GEMIN5: variants seen among roughly 807,000 people sequenced by gnomAD.
GEMIN5 encodes the protein gem-associated protein 5.
In GEMIN5, 124 loss-of-function variants were observed where a neutral mutation model predicts 176.9. That is an observed-to-expected ratio of 0.70 (90% CI 0.61 to 0.81). The LOEUF (loss-of-function observed/expected upper bound fraction) is 0.81. Among genes scored for constraint, GEMIN5 ranks in the 40% least tolerant of loss-of-function variants. GEMIN5 has a pLI of 0.00. For missense variants in GEMIN5, 1,843 were observed against 1,814.6 expected, an observed-to-expected ratio of 1.02 and a Z score of -0.28; for synonymous variants, 673 against 665.2, an observed-to-expected ratio of 1.01 and a Z score of -0.18.
intron 13 of GEMIN5, among the ~76,000 whole-genome samples, chr5:154,915,378 T>G (rs1368311030): frequency 6.6e-6 from 1 of 152,186 alleles, no homozygotes; most frequent in Non-Finnish European, 1.5e-5. Context: ...TATAATTTCT[T>G]CATATTAGGA....
intron 15 of GEMIN5, among the ~76,000 whole-genome samples, chr5:154,911,470 G>A (rs917225858): frequency 6.6e-6 from 1 of 152,132 alleles, no homozygotes; most frequent in Non-Finnish European, 1.5e-5. Context: ...CCAAGATCAC[G>A]CCACTACATT....
rs773961644 is a variant in GEMIN5, at chr5:154,913,055, A to C, written c.1856-17T>G. Reference sequence around the variant, plus strand: ...GGCTGCTCTCTAAAAGGCAAAGGAAAGACATCACTGCTGCTACTACTAATA... The same window carrying C: ...GGCTGCTCTCTAAAAGGCAAAGGAACGACATCACTGCTGCTACTACTAATA... On this transcript the variant is annotated splice_polypyrimidine_tract_variant and intron_variant, in intron 13 of 27. Coordinates refer to ENST00000285873, the MANE Select transcript of GEMIN5 (RefSeq NM_015465.5). The C allele has an allele frequency of 6.3e-6, 10 of 1,594,332 alleles. No homozygotes were observed. Among genetic ancestry groups the C allele is most frequent in the Non-Finnish European group, 6.8e-6 (8 of 1,169,350 alleles).
intron 3 of GEMIN5, 59 bp from the exon 4 acceptor site, chr5:154,932,309 T>G: frequency 1.5e-6 from 2 of 1,323,756 alleles, no homozygotes; most frequent in Non-Finnish European, 2.1e-6. Flanking sequence ...GAGTCTCTAG[T>G]AAACATTTTG....
chr5:154,918,689 C>A (rs1561722434), intron 11 of GEMIN5, among the ~76,000 whole-genome samples: 1 of 152,114 alleles, frequency 6.6e-6, no homozygotes, highest in Admixed American at 6.5e-5. Context: ...ACAATATAAC[C>A]CAATTTATAA....
At chr5:154,914,361 T>C (rs1458781567) in intron 13 of GEMIN5, among the ~76,000 whole-genome samples, 2 of 151,626 alleles carry the variant, frequency 1.3e-5, no homozygotes, top group Non-Finnish European at 2.9e-5. Context: ...TTATTATAGA[T>C]GAAAGGAGAC....
At chr5:154,892,016 C>T (rs886490836) in intron 25 of GEMIN5, among the ~76,000 whole-genome samples, 5 of 152,134 alleles carry the variant, frequency 3.3e-5, no homozygotes, top group Admixed American at 6.5e-5. Flanking sequence ...TCTGGGGCCA[C>T]GACAACAGAT....
At chr5:154,892,227 T>C (rs550156157) in intron 25 of GEMIN5, among the ~76,000 whole-genome samples, 160 bp downstream of exon 25, 3 of 152,372 alleles carry the variant, frequency 2.0e-5, no homozygotes, top group African/African-American at 7.2e-5. Context: ...AGTATAGTTG[T>C]TCTTAAAAGC....
chr5:154,893,901 G>A (rs1057438842), intron 24 of GEMIN5, among the ~76,000 whole-genome samples: 2 of 152,036 alleles, frequency 1.3e-5, no homozygotes, highest in African/African-American at 4.8e-5. Context: ...CCGCCACCAC[G>A]CGCGGCTAAC....
chr5:154,897,498 C>CT (rs1034947532), intron 23 of GEMIN5, among the ~76,000 whole-genome samples: 4 of 152,130 alleles, frequency 2.6e-5, no homozygotes, highest in African/African-American at 9.6e-5. Context: ...ACACTTTTCT[C>CT]TTTTTTTTCT....
intron 15 of GEMIN5, 39 bp from the exon 16 acceptor site, chr5:154,907,857 T>C (rs200884806): frequency 6.0e-6 from 9 of 1,491,254 alleles, no homozygotes; most frequent in African/African-American, 4.2e-5. Context: ...AAAGTATACA[T>C]TCTTGGTTAA....
chr5:154,907,220 G>A (rs1412774253), intron 16 of GEMIN5, among the ~76,000 whole-genome samples: 1 of 152,154 alleles, frequency 6.6e-6, no homozygotes, highest in Non-Finnish European at 1.5e-5. Context: ...TCAGACATTT[G>A]TAAGGGACAG....
At chr5:154,903,029 G>T in intron 19 of GEMIN5, 51 bp downstream of exon 19, 1 of 1,184,564 alleles carries the variant, frequency 8.4e-7, no homozygotes, top group Middle Eastern at 1.9e-4. Context: ...CACACAAAAT[G>T]TTGGGAAAGT....
intron 3 of GEMIN5, 107 bp downstream of exon 3, chr5:154,935,734 C>G (rs747089628): frequency 2.8e-5 from 21 of 750,622 alleles, no homozygotes; most frequent in Non-Finnish European, 4.4e-5. Flanking sequence ...TGGTTAACAT[C>G]TGTAGATGGT....
intron 9 of GEMIN5, 89 bp from the exon 10 acceptor site, chr5:154,921,514 T>A: frequency 1.4e-6 from 1 of 690,024 alleles, no homozygotes; most frequent in Non-Finnish European, 2.6e-6. Flanking sequence ...AAGGTCCCCA[T>A]TATAAACATA....
intron 24 of GEMIN5, among the ~76,000 whole-genome samples, chr5:154,893,360 G>A (rs1289690925): frequency 6.6e-6 from 1 of 151,338 alleles, no homozygotes; most frequent in East Asian, 1.9e-4. Context: ...AACCCGAGAG[G>A]CGGAGGTTGC....
At chr5:154,929,486 G>A (rs1224327472) in intron 5 of GEMIN5, among the ~76,000 whole-genome samples, 1 of 152,196 alleles carries the variant, frequency 6.6e-6, no homozygotes, top group Non-Finnish European at 1.5e-5. Context: ...TTGTGCATCG[G>A]AACCACAGGT....
intron 13 of GEMIN5, among the ~76,000 whole-genome samples, chr5:154,913,833 A>G (rs1763756505): frequency 6.6e-6 from 1 of 151,846 alleles, no homozygotes. Flanking sequence ...AAAGGAAAAC[A>G]CAAAAAACAA....
At chr5:154,936,665 A>C (rs1764275990) in intron 2 of GEMIN5, among the ~76,000 whole-genome samples, 1 of 152,206 alleles carries the variant, frequency 6.6e-6, no homozygotes, top group Non-Finnish European at 1.5e-5. Flanking sequence ...TCAGGAGTCC[A>C]TTTGTATCAA....
chr5:154,903,269 C>G (rs1158831475), intron 18 of GEMIN5, 94 bp from the exon 19 acceptor site: 1 of 764,312 alleles, frequency 1.3e-6, no homozygotes, highest in Non-Finnish European at 2.2e-6. Context: ...TTGGAACACC[C>G]ACTTCAGACA....
Sources: gnomAD v4.1 joint callset for allele counts (sites outside exome capture counted in the v4.1 genomes callset) on GRCh38, gnomAD v4.1.1 for gene constraint, MANE v1.5 for transcripts, NCBI Gene and HGNC (gene_info 2026-07-23, HGNC 2026-07-21) for gene names.